Variants in ZNF827 observed in about 807,000 individuals in gnomAD.
ZNF827 encodes the protein zinc finger protein 827.
Under a neutral mutation model 102.4 loss-of-function variants are expected in ZNF827, and 13 were observed. The ratio of observed to expected loss-of-function variants is 0.13; its 90% CI spans 0.08 to 0.20. The LOEUF (loss-of-function observed/expected upper bound fraction) is 0.20. Among genes scored for constraint, ZNF827 ranks in the 10% least tolerant of loss-of-function variants. ZNF827 has a pLI of 1.00. For synonymous variants in ZNF827, 523 were observed against 536.2 expected (o/e 0.98, Z 0.34); for missense variants, 1,103 against 1,344.4 (o/e 0.82, Z 2.81).
chr4:145,791,699 C>T (rs1187774891), intron 8 of ZNF827, among the ~76,000 whole-genome samples: 10 of 152,194 alleles, frequency 6.6e-5, no homozygotes, highest in South Asian at 2.1e-4. Flanking sequence ...ATTATACATA[C>T]GAATAGCTAA....
chr4:145,937,536 C>G (rs1297394752), intron 1 of ZNF827, among the ~76,000 whole-genome samples: 1 of 147,808 alleles, frequency 6.8e-6, no homozygotes, highest in Non-Finnish European at 1.5e-5. Flanking sequence ...CCGCCCGCCG[C>G]TGCCCGGCCT....
At chr4:145,866,645 C>T (rs539928511) in intron 5 of ZNF827, among the ~76,000 whole-genome samples, 1 of 152,302 alleles carries the variant, frequency 6.6e-6, no homozygotes, top group South Asian at 2.1e-4. Flanking sequence ...ATTAATGTTT[C>T]TGCATAGCTC....
chr4:145,926,545 G>C (rs1753439152), intron 1 of ZNF827, among the ~76,000 whole-genome samples: 1 of 152,128 alleles, frequency 6.6e-6, no homozygotes, highest in South Asian at 2.1e-4. Context: ...AGCCAACTAT[G>C]CTGAAATGTA....
chr4:145,815,839 C>T (rs190575968), intron 8 of ZNF827, among the ~76,000 whole-genome samples: 14 of 152,326 alleles, frequency 9.2e-5, no homozygotes, highest in East Asian at 7.7e-4. Flanking sequence ...TATTCATTCT[C>T]GAGGCATCTA....
At chr4:145,779,841 G>C (rs1263823127) in intron 8 of ZNF827, among the ~76,000 whole-genome samples, 5 of 152,222 alleles carry the variant, frequency 3.3e-5, no homozygotes, top group African/African-American at 4.8e-5. Context: ...TAAATGAGTT[G>C]CCTGAGTTGC....
chr4:145,885,944 C>A lies in ZNF827; in HGVS notation c.1481G>T (p.Gly494Val). 6.2e-7 allele frequency: 1 copy of A among 1,614,132 alleles called. No individual in the cohort carries two copies. Among genetic ancestry groups the A allele is most frequent in the Non-Finnish European group, 8.5e-7 (1 of 1,179,988 alleles). Reference sequence around the variant, plus strand: ...CATCATGGTCCCCACTAGCTCTGTCCCTCCTCCTTCCCTTTGCTGCCCCAG... The same window carrying A: ...CATCATGGTCCCCACTAGCTCTGTCACTCCTCCTTCCCTTTGCTGCCCCAG... The part of the protein sequence containing the change: ...ACLGQQREGG[G>V]TELVGTMMTS... Residue 494 changes from glycine (G) to valine (V), a missense_variant, in exon 4 of 15, where the codon GGG becomes GTG. Gly to Val is a moderately radical substitution (Grantham distance 109). Around this residue, in one of 5 missense-constraint regions of ZNF827, gnomAD observed 157 missense variants for 211.7 expected, o/e 0.74. Transcript: ENST00000508784.
At chr4:145,864,892 A>C (rs1403065038) in intron 5 of ZNF827, among the ~76,000 whole-genome samples, 1 of 152,244 alleles carries the variant, frequency 6.6e-6, no homozygotes, top group Non-Finnish European at 1.5e-5. Flanking sequence ...TAACATAAAA[A>C]TACAACATGT....
Position 145,774,513 on chromosome 4 carries a change from C to G in ZNF827, c.2853G>C (p.Lys951Asn). 1 of 1,610,284 alleles carries G rather than the reference C, an allele frequency of 6.2e-7. No homozygotes were observed. Among genetic ancestry groups the G allele is most frequent in the Non-Finnish European group, 8.5e-7 (1 of 1,178,226 alleles). Residue 951 changes from lysine (K) to asparagine (N), a missense_variant, in exon 11 of 15, where the codon AAG (lysine) becomes AAC (asparagine). This residue lies in a region of ZNF827 where 242 missense variants were observed against 361.9 expected (regional missense o/e 0.67). Coordinates refer to ENST00000508784, the MANE Select transcript of ZNF827 (RefSeq NM_001306215.2). ...EAEIKTHIGTKHTGEDRKTPS... is the reference protein window; with the variant it reads ...EAEIKTHIGTNHTGEDRKTPS... The stretch of plus-strand genomic sequence containing the variant: ...ACAGACAGGAATGGTCACCTGTGTG[C>G]TTGGTGCCAATGTGAGTCTTTATCT...
intron 8 of ZNF827, among the ~76,000 whole-genome samples, chr4:145,780,091 T>C: frequency 6.6e-6 from 1 of 152,172 alleles, no homozygotes; most frequent in East Asian, 1.9e-4. Flanking sequence ...CTTCAGAGGC[T>C]GAGGCACGAG....
At chr4:145,795,489 T>G (rs1305233330) in intron 8 of ZNF827, among the ~76,000 whole-genome samples, 1 of 152,234 alleles carries the variant, frequency 6.6e-6, no homozygotes, top group Non-Finnish European at 1.5e-5. Flanking sequence ...TTAGAGCCCA[T>G]GGCTCTGAGT....
intron 11 of ZNF827, among the ~76,000 whole-genome samples, chr4:145,767,700 G>A (rs7664804): frequency 0.91 from 138,703 of 152,284 alleles, 63,434 homozygotes; most frequent in East Asian, 0.97. Flanking sequence ...TAAGAAGACT[G>A]TAAAGCAACA....
At position 145,915,150 on chromosome 4, in the gene ZNF827, A is replaced by G. The variant is rs377383600; in HGVS notation, c.44-11935T>C. ...AAGAGATGGCCAAATTCACTTTTAT[A>G]AAAACTCATTCTCTTGGCCGGGTGT... On this transcript the variant is annotated intron_variant, in intron 1 of 14. Coordinates refer to ENST00000508784, the MANE Select transcript of ZNF827 (RefSeq NM_001306215.2). Among the ~76,000 whole-genome samples the G allele has an allele frequency of 4.9e-4, 74 of 152,280 alleles. 1 individual carries two copies. In the South Asian group the frequency reaches 0.01, roughly 21 times the overall value.
At chr4:145,795,443 C>T (rs774504061) in intron 8 of ZNF827, among the ~76,000 whole-genome samples, 9 of 152,208 alleles carry the variant, frequency 5.9e-5, no homozygotes, top group Non-Finnish European at 1.2e-4. Flanking sequence ...CCACTGTGCC[C>T]GGCTGGTGTT....
At chr4:145,917,615 G>T (rs1752749639) in intron 1 of ZNF827, among the ~76,000 whole-genome samples, 1 of 139,254 alleles carries the variant, frequency 7.2e-6, no homozygotes, top group African/African-American at 2.8e-5. Flanking sequence ...ATAGCACTTT[G>T]GAAAATGCAT....
intron 11 of ZNF827, among the ~76,000 whole-genome samples, chr4:145,766,193 G>C (rs1173858231): frequency 6.6e-6 from 1 of 152,154 alleles, no homozygotes; most frequent in Non-Finnish European, 1.5e-5. Flanking sequence ...AGAGGTTTGA[G>C]TTCGTCTGAC....
chr4:145,932,599 C>G (rs552439112), intron 1 of ZNF827, among the ~76,000 whole-genome samples: 4 of 152,000 alleles, frequency 2.6e-5, no homozygotes, highest in South Asian at 2.1e-4. Context: ...CTCAGCCTGC[C>G]GAGTAGCTGG....
chr4:145,825,735 G>A (rs1222944937), intron 7 of ZNF827, among the ~76,000 whole-genome samples: 3 of 152,214 alleles, frequency 2.0e-5, no homozygotes, highest in Non-Finnish European at 4.4e-5. Context: ...CAAAAGTGTG[G>A]ATTCCTGCTG....
chr4:145,764,863 C>T, intron 13 of ZNF827, 125 bp downstream of exon 13: 2 of 1,340,556 alleles, frequency 1.5e-6, no homozygotes, highest in Non-Finnish European at 2.1e-6. Context: ...TCCTGACTAA[C>T]TCCTCTCATA....
chr4:145,773,561 C>T lies in ZNF827; in HGVS notation c.2860+945G>A, dbSNP rs1320709353. On this transcript the variant is annotated intron_variant, in intron 11 of 14. Coordinates refer to ENST00000508784, the MANE Select transcript of ZNF827 (RefSeq NM_001306215.2). ...AATTTGTAAGCCCCGCAAATGCAGA[C>T]GGAGCTCCTCCTCATTCTCACTTAA... Among the ~76,000 whole-genome samples, 5 of 152,318 alleles carry T rather than the reference C, an allele frequency of 3.3e-5. No homozygotes were observed. In the East Asian group the frequency reaches 9.6e-4, roughly 29 times the overall value.
Sources: allele counts gnomAD v4.1 joint callset (sites outside exome capture counted in the v4.1 genomes callset), GRCh38; gene constraint gnomAD v4.1.1; regional missense constraint gnomAD v4.1.1; transcripts MANE v1.5; gene names NCBI Gene and HGNC (gene_info 2026-07-23, HGNC 2026-07-21).